The following LPP variants were observed in gnomAD, a reference collection of about 807,000 sequenced individuals.
LPP encodes LIM domain containing preferred translocation partner in lipoma, also known as lipoma-preferred partner.
In LPP, 38 loss-of-function variants were observed where a neutral mutation model predicts 60.4. The ratio of observed to expected loss-of-function variants is 0.63; its 90% CI spans 0.49 to 0.83. The LOEUF is 0.83. Ranked by LOEUF, LPP falls within the 40% of genes least tolerant of loss-of-function variation. The pLI is 0.00. For synonymous variants in LPP, 328 were observed against 290.8 expected (o/e 1.13, Z -1.30); for missense variants, 902 against 783.6 (o/e 1.15, Z -1.80).
chr3:188,277,583 A>C (rs1180476789), intron 2 of LPP, among the ~76,000 whole-genome samples: 1 of 152,226 alleles, frequency 6.6e-6, no homozygotes, highest in African/African-American at 2.4e-5. Flanking sequence ...AATAAGATTT[A>C]ATAGAACTTT....
At chr3:188,377,582 T>A (rs1421706656) in intron 3 of LPP, among the ~76,000 whole-genome samples, 1 of 152,334 alleles carries the variant, frequency 6.6e-6, no homozygotes, top group East Asian at 1.9e-4. Context: ...CTTCTCTGCA[T>A]TGGTTATTCT....
intron 8 of LPP, among the ~76,000 whole-genome samples, chr3:188,737,928 T>C (rs114698421): frequency 0.015 from 2,349 of 152,310 alleles, 23 homozygotes; most frequent in African/African-American, 0.026. Context: ...CTGCTTAGGA[T>C]ATGGCTTATG....
intron 9 of LPP, among the ~76,000 whole-genome samples, chr3:188,858,625 T>C (rs888452828): frequency 6.6e-6 from 1 of 152,234 alleles, no homozygotes; most frequent in Non-Finnish European, 1.5e-5. Flanking sequence ...GCCTAATTGC[T>C]GTGATCTTTT....
chr3:188,637,221 A>G (rs574558176), intron 7 of LPP, among the ~76,000 whole-genome samples: 13 of 151,962 alleles, frequency 8.6e-5, no homozygotes, highest in East Asian at 3.9e-4. Flanking sequence ...ACTCAAAACC[A>G]CTCAACTACA....
intron 7 of LPP, among the ~76,000 whole-genome samples, chr3:188,673,081 G>A (rs1368185006): frequency 5.3e-5 from 8 of 151,964 alleles, no homozygotes; most frequent in Non-Finnish European, 1.5e-5. Context: ...AGAGAAAAAG[G>A]CATATAAATA....
At chr3:188,158,800 TTTCTA>T (rs759333482) in intron 1 of LPP, among the ~76,000 whole-genome samples, 1 of 152,210 alleles carries the variant, frequency 6.6e-6, no homozygotes, top group Non-Finnish European at 1.5e-5. Context: ...TCACCACTCT[TTTCTA>T]TGCCCACATG....
intron 7 of LPP, among the ~76,000 whole-genome samples, chr3:188,667,246 A>T (rs909456939): frequency 2.6e-5 from 4 of 152,172 alleles, no homozygotes; most frequent in Non-Finnish European, 4.4e-5. Context: ...TGGGAGGCTG[A>T]GGCGGGCAGA....
At chr3:188,479,800 T>C (rs967775334) in intron 4 of LPP, among the ~76,000 whole-genome samples, 1 of 152,244 alleles carries the variant, frequency 6.6e-6, no homozygotes, top group African/African-American at 2.4e-5. Context: ...AAGAAGAGCA[T>C]GATGCTTTCT....
intron 4 of LPP, among the ~76,000 whole-genome samples, chr3:188,417,385 G>A (rs557973253): frequency 9.0e-4 from 137 of 152,098 alleles, no homozygotes; most frequent in African/African-American, 2.9e-3. Context: ...GAATGAGTTA[G>A]TTGTTTACCA....
At chr3:188,517,680 AAATG>A (rs1261179275) in intron 5 of LPP, among the ~76,000 whole-genome samples, 2 of 152,180 alleles carry the variant, frequency 1.3e-5, no homozygotes, top group African/African-American at 4.8e-5. Flanking sequence ...TGGTAAGAGA[AAATG>A]AGGGTGATGC....
rs532070553 is a variant in LPP, at chr3:188,524,673, C to T, written c.315C>T (p.Pro105=). The T allele has an allele frequency of 1.2e-5, 20 of 1,613,236 alleles. No individual in the cohort carries two copies. The highest frequency in any genetic ancestry group is 5.5e-5 in the South Asian group (5 of 90,990). The part of the protein sequence containing the change: ...DEEAFKVQGN[P]GGKTLEERRS... ...TGTGTTGCTTCCAACAGGGGAATCC[C>T]GGAGGCAAGACACTTGAGGAGAGGC... is the stretch of plus-strand genomic sequence containing the variant. The change falls in exon 6 of 12, where the codon CCC becomes CCT. Residue 105 remains proline (P), a synonymous_variant. Coordinates refer to ENST00000617246, the MANE Select transcript of LPP (RefSeq NM_001375462.1).
At position 188,874,930 on chromosome 3, in the gene LPP, ATTC is replaced by A; in HGVS notation, c.*454_*456del. On this transcript the variant is annotated 3_prime_UTR_variant, in exon 12 of 12. Transcript: ENST00000617246. ...TTGCCTGTGACTGTAAAGAGTAGCC[ATTC>A]TTTTCCCATGTATTGAAGAGGATAT... 4.3e-6 allele frequency: 1 copy of A among 231,774 alleles called. No individual in the cohort carries two copies. The highest frequency in any genetic ancestry group is 8.6e-6 in the Non-Finnish European group (1 of 116,518). 14.4% of individuals were successfully genotyped at this position (231,774 alleles called of 1,614,324 possible).
At chr3:188,602,544 A>C (rs1178196808) in intron 6 of LPP, among the ~76,000 whole-genome samples, 2 of 152,020 alleles carry the variant, frequency 1.3e-5, no homozygotes, top group Non-Finnish European at 2.9e-5. Flanking sequence ...TGAATCCCTA[A>C]TAATGAGACC....
chr3:188,374,773 C>A (rs1400708072), intron 3 of LPP, among the ~76,000 whole-genome samples: 1 of 152,156 alleles, frequency 6.6e-6, no homozygotes, highest in African/African-American at 2.4e-5. Flanking sequence ...GAGGGCATCC[C>A]TGTCTTGTGC....
At chr3:188,633,488 C>T (rs1160968292) in intron 7 of LPP, among the ~76,000 whole-genome samples, 1 of 152,224 alleles carries the variant, frequency 6.6e-6, no homozygotes, top group Admixed American at 6.5e-5. Flanking sequence ...CTGTGAACTA[C>T]ATTCTTTGGA....
intron 2 of LPP, among the ~76,000 whole-genome samples, chr3:188,316,889 C>A (rs576351674): frequency 3.3e-5 from 5 of 152,314 alleles, no homozygotes; most frequent in African/African-American, 1.2e-4. Flanking sequence ...ACCTCCTGTC[C>A]CTTGCTCCAC....
intron 4 of LPP, among the ~76,000 whole-genome samples, chr3:188,450,104 G>C (rs1796245056): frequency 2.0e-5 from 3 of 152,056 alleles, no homozygotes; most frequent in Admixed American, 2.0e-4. Flanking sequence ...CGCCCAACCT[G>C]TATTATGAAT....
chr3:188,380,570 T>A (rs1776610372), intron 3 of LPP, among the ~76,000 whole-genome samples: 1 of 152,254 alleles, frequency 6.6e-6, no homozygotes, highest in South Asian at 2.1e-4. Context: ...GCATCTCTTG[T>A]AGCCAAGAGA....
chr3:188,804,464 A>G (rs1748466669), intron 9 of LPP, among the ~76,000 whole-genome samples: 1 of 151,316 alleles, frequency 6.6e-6, no homozygotes, highest in Non-Finnish European at 1.5e-5. Flanking sequence ...GAATGAAATA[A>G]AGGTGGGAGG....
Sources: allele counts gnomAD v4.1 joint callset (sites outside exome capture counted in the v4.1 genomes callset), GRCh38; gene constraint gnomAD v4.1.1; transcripts MANE v1.5; gene names NCBI Gene and HGNC (gene_info 2026-07-23, HGNC 2026-07-21).